DIP2A: variants seen among roughly 807,000 people sequenced by gnomAD.
The protein encoded by DIP2A is DIP2 acetate--CoA ligase A, also known as disco-interacting protein 2 homolog A.
DIP2A carries 85 observed loss-of-function variants against 177.4 expected under a neutral mutation model. That is an observed-to-expected ratio of 0.48 (90% CI 0.40 to 0.57). The LOEUF (loss-of-function observed/expected upper bound fraction) is 0.57. Among genes scored for constraint, DIP2A ranks in the 20% least tolerant of loss-of-function variants. DIP2A has a pLI of 0.00. For synonymous variants in DIP2A, 886 were observed against 881.8 expected (o/e 1.00, Z -0.08); for missense variants, 1,791 against 2,100.2 (o/e 0.85, Z 2.88).
At chr21:46,500,357 G>A (rs1351892749) in intron 5 of DIP2A, among the ~76,000 whole-genome samples, 1 of 152,114 alleles carries the variant, frequency 6.6e-6, no homozygotes, top group Admixed American at 6.5e-5. Flanking sequence ...AGCTTTCCTG[G>A]GTGTTCCATG....
intron 3 of DIP2A, among the ~76,000 whole-genome samples, chr21:46,495,244 T>TTCCCTCTCTCTC (rs2057274446): frequency 5.2e-5 from 2 of 38,212 alleles, no homozygotes; most frequent in African/African-American, 2.3e-4. Flanking sequence ...CTTCTCTTCT[T>TTCCCTCTCTCTC]TCTCTCTCTC....
At chr21:46,500,003 G>C (rs1172079198) in intron 5 of DIP2A, among the ~76,000 whole-genome samples, 1 of 152,226 alleles carries the variant, frequency 6.6e-6, no homozygotes, top group African/African-American at 2.4e-5. Flanking sequence ...GTCCCCATGG[G>C]TGCCGAGCTC....
chr21:46,551,509 A>G (rs1228574276), intron 23 of DIP2A, 125 bp from the exon 24 acceptor site: 46 of 770,748 alleles, frequency 6.0e-5, no homozygotes, highest in Non-Finnish European at 8.4e-5. Flanking sequence ...GAATATTTGT[A>G]TCTCAGTAGA....
intron 8 of DIP2A, among the ~76,000 whole-genome samples, chr21:46,515,850 T>A (rs1464108009): frequency 1.3e-5 from 2 of 152,178 alleles, no homozygotes; most frequent in African/African-American, 4.8e-5. Context: ...GTTTTTTGTT[T>A]GTTTGTTGTT....
chr21:46,511,551 C>G lies in DIP2A; in HGVS notation c.1039C>G (p.Pro347Ala). The G allele has an allele frequency of 6.3e-7, 1 of 1,598,610 alleles. No individual in the cohort carries two copies. The highest frequency in any genetic ancestry group is 8.5e-7 in the Non-Finnish European group (1 of 1,173,188). The change falls in exon 8 of 38, where the codon CCC becomes GCC. Residue 347 changes from proline (P) to alanine (A), a missense_variant. Physicochemically the swap from Pro to Ala is conservative, Grantham distance 27. Transcript: ENST00000417564. ...ATLQRWGTTQ[P>A]KSPCLTALDT... Reference sequence around the variant, plus strand: ...CTTGCAGCGCTGGGGCACAACACAGCCCAAATCCCCCTGTCTGACTGCCTT... The same window carrying G: ...CTTGCAGCGCTGGGGCACAACACAGGCCAAATCCCCCTGTCTGACTGCCTT...
intron 1 of DIP2A, among the ~76,000 whole-genome samples, chr21:46,476,325 T>C (rs2055843502): frequency 6.6e-6 from 1 of 152,228 alleles, no homozygotes; most frequent in Admixed American, 6.5e-5. Flanking sequence ...TATTATCTTA[T>C]ATGGTTATAC....
chr21:46,474,097 T>C lies in DIP2A; in HGVS notation c.92-10660T>C, dbSNP rs1448503604. On this transcript the variant is annotated intron_variant, in intron 1 of 37. Coordinates refer to ENST00000417564, the MANE Select transcript of DIP2A (RefSeq NM_015151.4). ...TCTGGACAGAGCTGAGCCAATAGGA[T>C]GGAGAGGGCAATCAGAAGTAGAGCC... is the stretch of plus-strand genomic sequence containing the variant. 2.6e-5 allele frequency among the ~76,000 whole-genome samples: 4 copies of C among 151,966 alleles called. No individual in the cohort carries two copies. The East Asian group carries it at 7.7e-4, about 29-fold the overall frequency.
chr21:46,487,581 T>G (rs2056769028), intron 2 of DIP2A, among the ~76,000 whole-genome samples: 1 of 152,238 alleles, frequency 6.6e-6, no homozygotes, highest in Non-Finnish European at 1.5e-5. Flanking sequence ...TATTATTTTA[T>G]ACCTCAAAAA....
the DIP2A span, among the ~76,000 whole-genome samples, chr21:46,575,813 G>A: frequency 6.6e-6 from 1 of 152,176 alleles, no homozygotes; most frequent in Admixed American, 6.5e-5. Context: ...TTGTTAAGAT[G>A]TCAGTACTAC....
intron 5 of DIP2A, among the ~76,000 whole-genome samples, chr21:46,501,795 A>G (rs2057666226): frequency 6.6e-6 from 1 of 152,182 alleles, no homozygotes; most frequent in South Asian, 2.1e-4. Context: ...TTCCATATAT[A>G]CTTTTAAAAT....
chr21:46,543,439 C>T (rs111454226), intron 18 of DIP2A, among the ~76,000 whole-genome samples: 45 of 152,122 alleles, frequency 3.0e-4, no homozygotes, highest in African/African-American at 1.1e-3. Context: ...CCTCCTCCCC[C>T]GGGCGTGCAC....
chr21:46,504,551 G>T, intron 6 of DIP2A, 62 bp downstream of exon 6: 1 of 1,530,708 alleles, frequency 6.5e-7, no homozygotes, highest in South Asian at 1.3e-5. Flanking sequence ...TTTGGGTATT[G>T]AACACAGCTT....
intron 2 of DIP2A, among the ~76,000 whole-genome samples, chr21:46,490,009 C>A (rs988616726): frequency 6.6e-6 from 1 of 152,144 alleles, no homozygotes; most frequent in Non-Finnish European, 1.5e-5. Context: ...GTGGGTGGTG[C>A]GGCGAGGGCA....
chr21:46,562,323 A>G (rs1181799020), intron 34 of DIP2A, among the ~76,000 whole-genome samples: 17 of 152,206 alleles, frequency 1.1e-4, no homozygotes, highest in African/African-American at 4.8e-5. Flanking sequence ...ACAGAACAGC[A>G]TCCTCTGAAC....
At chr21:46,531,523 A>G (rs892757678) in intron 9 of DIP2A, among the ~76,000 whole-genome samples, 1 of 152,360 alleles carries the variant, frequency 6.6e-6, no homozygotes, top group East Asian at 1.9e-4. Context: ...GAATTCAAGA[A>G]TCACTAATTT....
chr21:46,489,074 C>T (rs963972124), intron 2 of DIP2A, among the ~76,000 whole-genome samples: 1 of 147,808 alleles, frequency 6.8e-6, no homozygotes, highest in Admixed American at 6.7e-5. Context: ...CATATATATA[C>T]ACACACAGAC....
At chr21:46,532,281 C>A in intron 10 of DIP2A, 44 bp downstream of exon 10, 2 of 1,503,062 alleles carry the variant, frequency 1.3e-6, no homozygotes. Context: ...CGCTTCTGAA[C>A]TTGATACCAG....
Position 46,554,713 on chromosome 21 carries a change from C to G in DIP2A, c.3276+17C>G. On this transcript the variant is annotated intron_variant, in intron 27 of 37. Coordinates refer to ENST00000417564, the MANE Select transcript of DIP2A (RefSeq NM_015151.4). ...ATCGTGGAGGTGCGCCTACCTGGCC[C>G]GCGGGTCAGAGTCTGTGAGTGGGAG... 1.3e-6 allele frequency: 2 copies of G among 1,557,024 alleles called. No individual in the cohort carries two copies. The highest frequency in any genetic ancestry group is 3.4e-4 in the Middle Eastern group (2 of 5,964).
intron 1 of DIP2A, among the ~76,000 whole-genome samples, chr21:46,480,240 A>G (rs936064742): frequency 2.0e-5 from 3 of 152,170 alleles, no homozygotes; most frequent in African/African-American, 7.2e-5. Context: ...CAGAAGATGA[A>G]GAAAGCAAAG....
Sources: gnomAD v4.1 joint callset for allele counts (sites outside exome capture counted in the v4.1 genomes callset) on GRCh38, gnomAD v4.1.1 for gene constraint, MANE v1.5 for transcripts, NCBI Gene and HGNC (gene_info 2026-07-23, HGNC 2026-07-21) for gene names.